ATE1: variants seen among roughly 807,000 people sequenced by gnomAD.
ATE1 encodes arginyl-tRNA--protein transferase 1.
ATE1 carries 36 observed loss-of-function variants against 70.5 expected under a neutral mutation model. The ratio of observed to expected loss-of-function variants is 0.51; its 90% CI spans 0.39 to 0.67. The LOEUF (loss-of-function observed/expected upper bound fraction) is 0.67. Ranked by LOEUF, ATE1 falls within the 30% of genes least tolerant of loss-of-function variation. The probability of loss-of-function intolerance (pLI) is 0.00; values close to 1 mark genes in which losing one functional copy is unlikely to be tolerated. For synonymous variants in ATE1, 232 were observed against 219.3 expected, an observed-to-expected ratio of 1.06 and a Z score of -0.51; for missense variants, 593 against 629.5, an observed-to-expected ratio of 0.94 and a Z score of 0.62.
In ATE1 at chr10:121,877,244, C is replaced by T. The variant is rs1359843261; in HGVS notation, c.943-7206G>A. On this transcript the variant is annotated intron_variant, in intron 7 of 11. Transcript: ENST00000224652. ...TAAATACCAGCACAAAATACTAAAA[C>T]ATCTCATAAGAAGTATGGAAATAAT... 4.6e-5 allele frequency among the ~76,000 whole-genome samples: 7 copies of T among 152,166 alleles called. No homozygotes were observed. In the South Asian group the frequency reaches 6.2e-4, roughly 14 times the overall value.
chr10:121,790,466 G>A (rs1206018086), intron 10 of ATE1, among the ~76,000 whole-genome samples, 177 bp from the exon 11 acceptor site: 1 of 152,160 alleles, frequency 6.6e-6, no homozygotes, highest in Admixed American at 6.5e-5. Flanking sequence ...ATGAAAGCAC[G>A]TTTGACTCAA....
At chr10:121,917,915 A>C (rs1167873653) in intron 3 of ATE1, among the ~76,000 whole-genome samples, 1 of 152,226 alleles carries the variant, frequency 6.6e-6, no homozygotes, top group Non-Finnish European at 1.5e-5. Flanking sequence ...GAGAGTCCCT[A>C]CTGACTAACA....
rs114532317 is a variant in ATE1 at position 121,812,970 on chromosome 10, A to C, written c.1258-22681T>G. ...GATAGGACAGTCGTATACCTCTTTCACTACAACTAACATTCTGTTTGTCAC... is the reference window on the plus strand; with the variant it reads ...GATAGGACAGTCGTATACCTCTTTCCCTACAACTAACATTCTGTTTGTCAC... On this transcript the variant is annotated intron_variant, in intron 10 of 11. Transcript: ENST00000224652. Among the ~76,000 whole-genome samples, 1,319 of 152,346 alleles carry C rather than the reference A, an allele frequency of 8.7e-3. 13 individuals are homozygous for C. Among genetic ancestry groups the C allele is most frequent in the African/African-American group, 0.025 (1,026 of 41,580 alleles).
At chr10:121,789,040 CA>C (rs1161789300) in intron 11 of ATE1, among the ~76,000 whole-genome samples, 1 of 152,132 alleles carries the variant, frequency 6.6e-6, no homozygotes, top group African/African-American at 2.4e-5. Flanking sequence ...TAAATGCAGA[CA>C]AAAGCCTGTG....
chr10:121,927,203 G>C (rs1466377605), intron 1 of ATE1: 4 of 985,306 alleles, frequency 4.1e-6, no homozygotes, highest in Non-Finnish European at 4.8e-6. Flanking sequence ...TTGTGGGCTG[G>C]CTTTGCTGTC....
At chr10:121,857,009 C>A (rs2133919657) in intron 8 of ATE1, among the ~76,000 whole-genome samples, 1 of 152,282 alleles carries the variant, frequency 6.6e-6, no homozygotes, top group East Asian at 1.9e-4. Flanking sequence ...AATTATAATT[C>A]TGATAAACAT....
intron 8 of ATE1, among the ~76,000 whole-genome samples, chr10:121,844,450 G>A (rs765460262): frequency 6.6e-6 from 1 of 152,160 alleles, no homozygotes; most frequent in Non-Finnish European, 1.5e-5. Context: ...AATACCAAAT[G>A]CTGGTAAGGA....
At chr10:121,857,173 T>C (rs1312058432) in intron 8 of ATE1, among the ~76,000 whole-genome samples, 1 of 152,198 alleles carries the variant, frequency 6.6e-6, no homozygotes. Context: ...CACGGGTATG[T>C]TGTATGATAC....
intron 8 of ATE1, among the ~76,000 whole-genome samples, chr10:121,853,463 T>C (rs1483468428): frequency 2.0e-5 from 3 of 151,392 alleles, no homozygotes; most frequent in Admixed American, 1.3e-4. Flanking sequence ...TGAGAAATAA[T>C]GTTCAAAGGA....
chr10:121,885,586 A>AAC (rs1950368529), intron 7 of ATE1, among the ~76,000 whole-genome samples: 1 of 150,408 alleles, frequency 6.6e-6, no homozygotes, highest in Non-Finnish European at 1.5e-5. Flanking sequence ...AAAAAAAAAA[A>AAC]CATGCCTAAA....
rs35330521 is a variant in ATE1, at chr10:121,849,211, C to CA, written c.976-7949dup. Among the ~76,000 whole-genome samples the CA allele has an allele frequency of 2.4e-3, 334 of 140,818 alleles. 1 individual carries two copies. The highest frequency in any genetic ancestry group is 8.6e-3 in the African/African-American group (319 of 37,200). The allele number at this position is 140,818 out of a possible 152,430, so 92.4% of individuals were successfully genotyped here. ...GGGTGACAGGATCAAAACTCCATCT[C>CA]AAAAAAAAAAAAAAGAATATAAGTA... On this transcript the variant is annotated intron_variant, in intron 8 of 11. Transcript: ENST00000224652.
chr10:121,876,932 C>G (rs769052157), intron 7 of ATE1, among the ~76,000 whole-genome samples: 4 of 149,878 alleles, frequency 2.7e-5, no homozygotes, highest in South Asian at 2.1e-4. Context: ...CGCCACTGCA[C>G]TCCAGCCTGG....
rs1364199352 is a variant in ATE1 at position 121,902,633 on chromosome 10, T to C, written c.584-13A>G. ...TCAGCCCCTTTGCCTAAAAAGAATT[T>C]TAAAATATTAGACCAATCACATTTG... On this transcript the variant is annotated splice_polypyrimidine_tract_variant and intron_variant, in intron 5 of 11. Transcript: ENST00000224652. 2.5e-6 allele frequency: 4 copies of C among 1,575,838 alleles called. No individual in the cohort carries two copies. The highest frequency in any genetic ancestry group is 1.4e-5 in the African/African-American group (1 of 73,444).
chr10:121,913,653 T>C, intron 4 of ATE1, 137 bp downstream of exon 4: 1 of 529,084 alleles, frequency 1.9e-6, no homozygotes, highest in South Asian at 3.5e-5. Flanking sequence ...GTAATAGCAG[T>C]GCTAACAGTA....
At chr10:121,851,617 A>G (rs1476284732) in intron 8 of ATE1, among the ~76,000 whole-genome samples, 4 of 152,212 alleles carry the variant, frequency 2.6e-5, no homozygotes, top group African/African-American at 9.6e-5. Context: ...CTACAAAATT[A>G]CATGAGTAGC....
chr10:121,790,247 C>T lies in ATE1; in HGVS notation c.1300G>A (p.Val434Ile), dbSNP rs759941433. 4 of 1,613,890 alleles carry T rather than the reference C, an allele frequency of 2.5e-6. No homozygotes were observed. The Admixed American group carries it at 6.7e-5, about 27-fold the overall frequency. Residue 434 changes from valine (V) to isoleucine (I), a missense_variant, in exon 11 of 12, where the codon GTT becomes ATT. Physicochemically the swap from Val to Ile is conservative, Grantham distance 29. Around this residue, in one of 3 missense-constraint regions of ATE1, gnomAD observed 36 missense variants for 66.3 expected, o/e 0.54. Transcript: ENST00000224652. ...PSDLLCPETY[V>I]WVPIEQCLPS... ...AGGCATTGCTCAATGGGTACCCAAA[C>T]ATATGTCTCAGGGCACAGCAAATCA...
At chr10:121,913,252 T>C (rs1164141921) in intron 4 of ATE1, among the ~76,000 whole-genome samples, 1 of 152,136 alleles carries the variant, frequency 6.6e-6, no homozygotes, top group East Asian at 1.9e-4. Context: ...CATGTGTAAC[T>C]AAAGTTAAAT....
chr10:121,830,668 A>C (rs7906842), intron 10 of ATE1, among the ~76,000 whole-genome samples: 18,531 of 152,244 alleles, frequency 0.12, 1,461 homozygotes, highest in East Asian at 0.33. Flanking sequence ...AAGGCAATGG[A>C]AACTATTTTC....
At chr10:121,864,636 G>T (rs780487088) in intron 8 of ATE1, among the ~76,000 whole-genome samples, 3 of 152,160 alleles carry the variant, frequency 2.0e-5, no homozygotes, top group Non-Finnish European at 4.4e-5. Flanking sequence ...GGGCCATCTT[G>T]CTATTTGTTC....
Sources: allele counts gnomAD v4.1 joint callset (sites outside exome capture counted in the v4.1 genomes callset), GRCh38; gene constraint gnomAD v4.1.1; regional missense constraint gnomAD v4.1.1; transcripts MANE v1.5; gene names NCBI Gene and HGNC (gene_info 2026-07-23, HGNC 2026-07-21).